Variants in SNAP91 observed in about 807,000 individuals in gnomAD.
The protein encoded by SNAP91 is synaptosome associated protein 91.
Under a neutral mutation model 100.3 loss-of-function variants are expected in SNAP91, and 27 were observed. The ratio of observed to expected loss-of-function variants is 0.27; its 90% confidence interval spans 0.20 to 0.37. SNAP91 has a LOEUF of 0.37. SNAP91 is among the 10% of genes least tolerant of loss of function. SNAP91 has a pLI of 1.00. For missense variants in SNAP91, 986 were observed against 1,123.7 expected, an observed-to-expected ratio of 0.88 and a Z score of 1.75; for synonymous variants, 404 against 398.6, an observed-to-expected ratio of 1.01 and a Z score of -0.16.
intron 2 of SNAP91, among the ~76,000 whole-genome samples, chr6:83,704,337 C>T (rs755757550): frequency 3.3e-5 from 5 of 151,698 alleles, no homozygotes; most frequent in East Asian, 3.9e-4. Flanking sequence ...TCACTATAGT[C>T]GAGTATGGAA....
intron 8 of SNAP91, among the ~76,000 whole-genome samples, chr6:83,628,511 C>T (rs1217398594): frequency 6.6e-6 from 1 of 151,396 alleles, no homozygotes; most frequent in Admixed American, 6.6e-5. Flanking sequence ...CACATCCATG[C>T]CAACATCTAC....
chr6:83,668,101 C>T lies in SNAP91; in HGVS notation c.131-2520G>A, dbSNP rs2098720031. ...AAAAATGCTCATCATTACTGGCCAT[C>T]AGAGAAATGCAAAGCAAAACCAAAT... On this transcript the variant is annotated intron_variant, in intron 2 of 29. Transcript: ENST00000369694. Among the ~76,000 whole-genome samples, 5 of 152,268 alleles carry T rather than the reference C, an allele frequency of 3.3e-5. No homozygotes were observed. The South Asian group carries it at 1.0e-3, about 32-fold the overall frequency.
Position 83,591,263 on chromosome 6 carries a change from T to C in SNAP91, c.1962A>G (p.Gln654=), listed in dbSNP as rs1582753741. ...AACTAGAAGCAGCCTGAGATGCAGG[T>C]TGGGGTTCAGAAGCACTACTTCCAA... ...DAFGSSASEP[Q]PASQAASSSS... is the part of the protein sequence containing the mutation. The change falls in exon 22 of 30, where the codon CAA becomes CAG. Residue 654 remains glutamine, a synonymous_variant. Transcript: ENST00000369694. 1 of 1,612,910 alleles carries C rather than the reference T, an allele frequency of 6.2e-7. No homozygotes were observed. The highest frequency in any genetic ancestry group is 1.3e-5 in the African/African-American group (1 of 74,896).
intron 4 of SNAP91, among the ~76,000 whole-genome samples, chr6:83,662,122 G>C (rs2098554308): frequency 6.6e-6 from 1 of 151,960 alleles, no homozygotes; most frequent in South Asian, 2.1e-4. Flanking sequence ...CACACCCACT[G>C]TTACTTTTTA....
intron 26 of SNAP91, 37 bp from the exon 27 acceptor site, chr6:83,560,984 CA>C (rs1562095515): frequency 1.5e-6 from 2 of 1,308,960 alleles, no homozygotes; most frequent in East Asian, 2.4e-5. Context: ...ATAAATAACA[CA>C]AAAACACACA....
At chr6:83,704,684 AATACCTTTAAAAAAAAATGACAGGACC>A (rs1408627701) in intron 2 of SNAP91, among the ~76,000 whole-genome samples, 184 of 145,786 alleles carry the variant, frequency 1.3e-3, no homozygotes, top group African/African-American at 4.3e-3. Flanking sequence ...CAATTAATCC[AATACCTTTAAAAAAAAATGACAGGACC>A]ATAAATCTGT....
intron 4 of SNAP91, among the ~76,000 whole-genome samples, chr6:83,662,053 G>A (rs1053722345): frequency 2.0e-5 from 3 of 151,928 alleles, no homozygotes; most frequent in African/African-American, 7.3e-5. Flanking sequence ...TTTTAATTGA[G>A]AAGACATCTT....
intron 7 of SNAP91, among the ~76,000 whole-genome samples, chr6:83,652,570 A>T (rs2098253351): frequency 1.3e-5 from 2 of 152,140 alleles, no homozygotes; most frequent in South Asian, 4.1e-4. Flanking sequence ...TATATGCTTT[A>T]TAAATACATA....
intron 28 of SNAP91, among the ~76,000 whole-genome samples, chr6:83,558,968 ATT>A (rs1345829391): frequency 1.3e-5 from 2 of 152,188 alleles, no homozygotes; most frequent in Non-Finnish European, 2.9e-5. Flanking sequence ...AGTGTAACAT[ATT>A]TTGGCATTTT....
At position 83,684,471 on chromosome 6, in the gene SNAP91, T is replaced by C. The variant is rs545754321; in HGVS notation, c.131-18890A>G. Among the ~76,000 whole-genome samples the C allele has an allele frequency of 4.6e-5, 7 of 152,292 alleles. No homozygotes were observed. In the South Asian group the frequency reaches 1.4e-3, roughly 32 times the overall value. Reference sequence around the variant, plus strand: ...TTTTCTTCTTCCACCTGTCCATGAGTGGGCTCCAATTCATCCTAGATGCTC... The same window carrying C: ...TTTTCTTCTTCCACCTGTCCATGAGCGGGCTCCAATTCATCCTAGATGCTC... On this transcript the variant is annotated intron_variant, in intron 2 of 29. Transcript: ENST00000369694.
chr6:83,556,237 T>C lies in SNAP91; in HGVS notation c.2640A>G (p.Pro880=), dbSNP rs1327167975. 1.3e-6 allele frequency: 2 copies of C among 1,529,436 alleles called. No individual in the cohort carries two copies. Among genetic ancestry groups the C allele is most frequent in the Admixed American group, 2.0e-5 (1 of 50,210 alleles). 94.7% of individuals were successfully genotyped at this position (1,529,436 alleles called of 1,614,324 possible). A position where few individuals can be genotyped will look rare whatever the true frequency, so the allele number is the denominator to read the frequency against. ...AAAVPGTQLS[P]SPTPASQSPK... ...GACTCTGACTGGCAGGTGTAGGGCT[T>C]GGAGAAAGCTAATGGGAAAAAGCCA... The change falls in exon 29 of 30, where the codon CCA becomes CCG. Residue 880 remains proline (P), a synonymous_variant. Transcript: ENST00000369694.
At chr6:83,593,317 T>A in intron 18 of SNAP91, 58 bp from the exon 19 acceptor site, 1 of 1,535,646 alleles carries the variant, frequency 6.5e-7, no homozygotes, top group Non-Finnish European at 8.8e-7. Flanking sequence ...TGACACAGCA[T>A]CACTTCCCAG....
chr6:83,568,338 C>A (rs1005970860), intron 26 of SNAP91, among the ~76,000 whole-genome samples: 5 of 151,826 alleles, frequency 3.3e-5, no homozygotes, highest in African/African-American at 4.8e-5. Context: ...CACACTGGGG[C>A]CTGTTGTGGG....
At chr6:83,645,976 T>C (rs2097901941) in intron 7 of SNAP91, among the ~76,000 whole-genome samples, 1 of 152,220 alleles carries the variant, frequency 6.6e-6, no homozygotes, top group Admixed American at 6.5e-5. Context: ...TCACGCCTTT[T>C]CATGGATTGA....
At chr6:83,598,913 C>A (rs2128231846) in intron 16 of SNAP91, among the ~76,000 whole-genome samples, 1 of 152,196 alleles carries the variant, frequency 6.6e-6, no homozygotes, top group Admixed American at 6.5e-5. Flanking sequence ...AGCCAGGAGA[C>A]AATTTATAGA....
chr6:83,611,873 T>A (rs1265851964), intron 11 of SNAP91, among the ~76,000 whole-genome samples: 1 of 50,636 alleles, frequency 2.0e-5, no homozygotes, highest in South Asian at 1.0e-3. Flanking sequence ...ATTTTTTTTT[T>A]TTTTTTTTTT....
At chr6:83,589,952 G>A (rs532425534) in intron 22 of SNAP91, among the ~76,000 whole-genome samples, 84 of 152,268 alleles carry the variant, frequency 5.5e-4, no homozygotes, top group Non-Finnish European at 8.7e-4. Flanking sequence ...CACTAAAAAA[G>A]GGAACTATTC....
At chr6:83,597,588 G>C (rs1482195484) in intron 16 of SNAP91, among the ~76,000 whole-genome samples, 2 of 152,110 alleles carry the variant, frequency 1.3e-5, no homozygotes, top group African/African-American at 4.8e-5. Flanking sequence ...AAACTGAGCT[G>C]ACTGCTGCAG....
chr6:83,590,920 T>C (rs1168076539), intron 22 of SNAP91, among the ~76,000 whole-genome samples: 2 of 152,116 alleles, frequency 1.3e-5, no homozygotes, highest in Non-Finnish European at 2.9e-5. Flanking sequence ...TCTTTTAAAA[T>C]TATTTTTTAA....
Sources: allele counts gnomAD v4.1 joint callset (sites outside exome capture counted in the v4.1 genomes callset), GRCh38; gene constraint gnomAD v4.1.1; transcripts MANE v1.5; gene names NCBI Gene and HGNC (gene_info 2026-07-23, HGNC 2026-07-21).